FRMPD3: variants seen among roughly 807,000 people sequenced by gnomAD.
FRMPD3 encodes FERM and PDZ domain-containing protein 3.
In FRMPD3, 42 loss-of-function variants were observed where a neutral mutation model predicts 97.9. The observed-to-expected ratio is 0.43, with a 90% CI of 0.34 to 0.55. FRMPD3 has a LOEUF of 0.55. Ranked by LOEUF, FRMPD3 falls within the 20% of genes least tolerant of loss-of-function variation. The pLI is 0.03. For synonymous variants in FRMPD3, 577 were observed against 581.1 expected (o/e 0.99, Z 0.10); for missense variants, 1,303 against 1,457.7 (o/e 0.89, Z 1.73).
chrX:107,591,330 T>G (rs1923891071), intron 13 of FRMPD3, among the ~76,000 whole-genome samples: 1 of 110,851 alleles, frequency 9.0e-6, no homozygotes, highest in East Asian at 2.8e-4. Flanking sequence ...GCTAATTTTT[T>G]GTATTTAGTA....
At chrX:107,556,946 G>A (rs951706764) in intron 8 of FRMPD3, among the ~76,000 whole-genome samples, 5 of 111,946 alleles carry the variant, frequency 4.5e-5, no homozygotes, top group South Asian at 7.5e-4. Flanking sequence ...ACCAGTCTTC[G>A]TATGGACATA....
chrX:107,566,798 T>A lies in FRMPD3; in HGVS notation c.1296+1732T>A, dbSNP rs941269351. Among the ~76,000 whole-genome samples, 4 of 112,709 alleles carry A rather than the reference T, an allele frequency of 3.5e-5. No individual in the cohort carries two copies. The East Asian group carries it at 1.1e-3, about 31-fold the overall frequency. On this transcript the variant is annotated intron_variant, in intron 12 of 14. Coordinates refer to ENST00000683843, the MANE Select transcript of FRMPD3 (RefSeq NM_001388459.1). ...GCAACCACTTTGAGAATGCACAGGC[T>A]TGAGACCTGTATTACCAGAGCTCTG...
Position 107,597,516 on chromosome X carries a change from T to C in FRMPD3, c.1637T>C (p.Val546Ala). ...QRKEQESRTD[V>A]NENLIFFEET... is the part of the protein sequence containing the mutation. ...AAGGAGCAGGAAAGCCGGACAGATG[T>C]CAACGAGAACCTAATCTTCTTTGAG... Residue 546 changes from valine to alanine, a missense_variant, in exon 14 of 15, where the codon GTC becomes GCC. Coordinates refer to ENST00000683843, the MANE Select transcript of FRMPD3 (RefSeq NM_001388459.1). 1 of 1,210,682 alleles carries C rather than the reference T, an allele frequency of 8.3e-7. No homozygotes were observed. The highest frequency in any genetic ancestry group is 1.1e-6 in the Non-Finnish European group (1 of 895,412).
At chrX:107,458,988 T>TA (rs1336226294) in intron 1 of FRMPD3, among the ~76,000 whole-genome samples, 1 of 112,318 alleles carries the variant, frequency 8.9e-6, no homozygotes, top group African/African-American at 3.2e-5. Context: ...CCTCAATACT[T>TA]ACACTTTCTT....
intron 1 of FRMPD3, among the ~76,000 whole-genome samples, chrX:107,452,849 G>A (rs1282308672): frequency 3.8e-5 from 4 of 104,357 alleles, no homozygotes; most frequent in African/African-American, 1.4e-4. Context: ...TTGAAAAAGT[G>A]CAACAAGAAA....
intron 1 of FRMPD3, chrX:107,522,341 C>T: frequency 1.9e-6 from 1 of 525,004 alleles, no homozygotes; most frequent in Non-Finnish European, 3.4e-6. Flanking sequence ...ATTCTCCCAA[C>T]AACACGGAGT....
chrX:107,491,258 C>G (rs948834017), intron 1 of FRMPD3, among the ~76,000 whole-genome samples: 1 of 112,221 alleles, frequency 8.9e-6, no homozygotes, highest in Admixed American at 9.4e-5. Context: ...GAAGCACTTT[C>G]TTTGTGCTAA....
intron 1 of FRMPD3, among the ~76,000 whole-genome samples, chrX:107,472,046 A>G (rs113925466): frequency 0.03 from 3,365 of 112,265 alleles, 119 homozygotes; most frequent in African/African-American, 0.1. Flanking sequence ...TTTCTGTGAT[A>G]ATCAGTGATG....
intron 13 of FRMPD3, among the ~76,000 whole-genome samples, chrX:107,580,469 G>T (rs1472279784): frequency 9.0e-6 from 1 of 111,673 alleles, no homozygotes. Context: ...CTAGTGCTTA[G>T]AGATGTTTCC....
At chrX:107,456,667 C>T (rs1248760465) in intron 1 of FRMPD3, among the ~76,000 whole-genome samples, 1 of 111,949 alleles carries the variant, frequency 8.9e-6, no homozygotes, top group Non-Finnish European at 1.9e-5. Flanking sequence ...GTTTGACGGA[C>T]GTTCCAAAAA....
intron 1 of FRMPD3, chrX:107,525,459 G>A: frequency 2.1e-6 from 1 of 479,147 alleles, no homozygotes; most frequent in Non-Finnish European, 3.7e-6. Flanking sequence ...GGCCCTTGAT[G>A]GAGAACATTT....
intron 13 of FRMPD3, among the ~76,000 whole-genome samples, chrX:107,582,432 C>A (rs777196898): frequency 8.9e-6 from 1 of 111,888 alleles, no homozygotes. Context: ...GTGACCCACC[C>A]GCCTTGACCT....
intron 5 of FRMPD3, among the ~76,000 whole-genome samples, chrX:107,549,591 C>T (rs1921769955): frequency 9.0e-6 from 1 of 111,399 alleles, no homozygotes; most frequent in African/African-American, 3.3e-5. Context: ...GAGCAAAGGC[C>T]TTGACAGGAC....
chrX:107,551,953 T>C (rs899763798), intron 6 of FRMPD3, among the ~76,000 whole-genome samples: 4 of 112,177 alleles, frequency 3.6e-5, no homozygotes, highest in African/African-American at 1.3e-4. Context: ...GTAAAGATGT[T>C]TTATATTCCC....
chrX:107,498,855 G>A (rs192881509), intron 1 of FRMPD3, among the ~76,000 whole-genome samples: 1 of 111,544 alleles, frequency 9.0e-6, no homozygotes, highest in East Asian at 2.8e-4. Context: ...CTTAGAACAG[G>A]TGCAGGAGGA....
In FRMPD3 at chrX:107,602,320, G is replaced by A; in HGVS notation, c.4281G>A (p.Glu1427=). 8.3e-7 allele frequency: 1 copy of A among 1,210,490 alleles called. No homozygotes were observed. Among genetic ancestry groups the A allele is most frequent in the Non-Finnish European group, 1.1e-6 (1 of 895,166 alleles). Residue 1427 remains glutamate (E), a synonymous_variant, in exon 15 of 15, where the codon GAG becomes GAA. Transcript: ENST00000683843. The part of the protein sequence containing the change: ...PLGMLPREAK[E]VEASLPIALG... ...GCATGCTGCCCAGGGAGGCCAAGGA[G>A]GTAGAGGCAAGCCTCCCCATAGCCT...
At chrX:107,454,408 G>A (rs1931343200) in intron 1 of FRMPD3, among the ~76,000 whole-genome samples, 1 of 111,210 alleles carries the variant, frequency 9.0e-6, no homozygotes, top group African/African-American at 3.3e-5. Flanking sequence ...CTCTTGGATA[G>A]CTTGCTCTCA....
chrX:107,486,965 C>T (rs1921521092), intron 1 of FRMPD3, among the ~76,000 whole-genome samples: 1 of 110,010 alleles, frequency 9.1e-6, no homozygotes, highest in African/African-American at 3.3e-5. Context: ...GGATCTAGGG[C>T]CGGGCATTGT....
intron 1 of FRMPD3, among the ~76,000 whole-genome samples, chrX:107,504,034 G>A (rs1212094569): frequency 8.9e-6 from 1 of 112,724 alleles, no homozygotes; most frequent in African/African-American, 3.2e-5. Flanking sequence ...GATAACATCA[G>A]CCTGTCTGGA....
Sources: gnomAD v4.1 joint callset for allele counts (sites outside exome capture counted in the v4.1 genomes callset) on GRCh38, gnomAD v4.1.1 for gene constraint, MANE v1.5 for transcripts, NCBI Gene and HGNC (gene_info 2026-07-23, HGNC 2026-07-21) for gene names.